Variants in HNF4A observed in about 807,000 individuals in gnomAD.
HNF4A encodes hepatocyte nuclear factor 4-alpha.
HNF4A carries 15 observed loss-of-function variants against 52.4 expected under a neutral mutation model. The observed-to-expected ratio is 0.29, with a 90% CI of 0.19 to 0.44. The LOEUF is 0.44. Ranked by LOEUF, HNF4A falls within the 20% of genes least tolerant of loss-of-function variation. The probability of loss-of-function intolerance (pLI) is 1.00; values close to 1 mark genes in which losing one functional copy is unlikely to be tolerated. For missense variants in HNF4A, 479 were observed against 647.2 expected (o/e 0.74, Z 2.82); for synonymous variants, 280 against 264.4 (o/e 1.06, Z -0.57).
chr20:44,429,463 A>G, intron 9 of HNF4A, 60 bp from the exon 10 acceptor site: 2 of 1,611,140 alleles, frequency 1.2e-6, no homozygotes, highest in Middle Eastern at 1.7e-4. Flanking sequence ...GGGCCTCTTC[A>G]TTTACTCCCA....
At chr20:44,370,129 C>T (rs1457357945) in intron 1 of HNF4A, among the ~76,000 whole-genome samples, 2 of 152,206 alleles carry the variant, frequency 1.3e-5, no homozygotes, top group African/African-American at 4.8e-5. Flanking sequence ...CGGGTTCACG[C>T]CATTCTCCCG....
intron 1 of HNF4A, 136 bp downstream of exon 1, chr20:44,355,989 G>A: frequency 2.1e-5 from 16 of 745,214 alleles, no homozygotes; most frequent in South Asian, 7.4e-5. Context: ...GAAGCCCCAC[G>A]GAGGCAATGT....
At chr20:44,368,160 A>ATATATATTTTTTT (rs1200638153) in intron 1 of HNF4A, among the ~76,000 whole-genome samples, 3 of 27,780 alleles carry the variant, frequency 1.1e-4, no homozygotes, top group East Asian at 1.2e-3. Flanking sequence ...ATATATATAT[A>ATATATATTTTTTT]TTTTTTTTTT....
intron 1 of HNF4A, among the ~76,000 whole-genome samples, chr20:44,375,730 A>G (rs1316106444): frequency 2.0e-5 from 3 of 152,134 alleles, no homozygotes; most frequent in Admixed American, 1.3e-4. Flanking sequence ...ATGTTTGAAA[A>G]CTGCTGAATT....
intron 3 of HNF4A, 136 bp from the exon 4 acceptor site, chr20:44,413,558 C>T (rs1464715709): frequency 5.6e-6 from 4 of 715,062 alleles, no homozygotes; most frequent in South Asian, 1.5e-5. Flanking sequence ...GCCATCTCCC[C>T]TCATTCCACA....
chr20:44,423,766 C>T lies in HNF4A; in HGVS notation c.893-252C>T, dbSNP rs368995118. On this transcript the variant is annotated intron_variant, in intron 7 of 9. Coordinates refer to ENST00000316099, the MANE Select transcript of HNF4A (RefSeq NM_000457.6). Reference sequence around the variant, plus strand: ...CTTATTGGATGCATTCCTCAAGTCCCGCCCTCCATCTCCTATTCCCCTCTC... The same window carrying T: ...CTTATTGGATGCATTCCTCAAGTCCTGCCCTCCATCTCCTATTCCCCTCTC... 1.5e-4 allele frequency among the ~76,000 whole-genome samples: 23 copies of T among 152,304 alleles called. No homozygotes were observed. In the East Asian group the frequency reaches 1.7e-3, roughly 12 times the overall value.
intron 1 of HNF4A, chr20:44,401,602 G>T (rs2063410582): frequency 7.4e-7 from 1 of 1,354,086 alleles, no homozygotes. Flanking sequence ...AAAATGGTAG[G>T]TTGGTCCTAC....
At chr20:44,413,645 C>A in intron 3 of HNF4A, 49 bp from the exon 4 acceptor site, 2 of 1,393,250 alleles carry the variant, frequency 1.4e-6, no homozygotes, top group Middle Eastern at 1.8e-4. Flanking sequence ...ACCCCCACCC[C>A]CTACTCCATC....
chr20:44,411,553 C>T (rs12481400), intron 3 of HNF4A, among the ~76,000 whole-genome samples: 3 of 151,678 alleles, frequency 2.0e-5, no homozygotes, highest in East Asian at 2.0e-4. Flanking sequence ...GTGGACGGCC[C>T]GGTCAGGGAA....
chr20:44,393,669 T>C (rs924400352), intron 1 of HNF4A, among the ~76,000 whole-genome samples: 1 of 152,114 alleles, frequency 6.6e-6, no homozygotes, highest in Non-Finnish European at 1.5e-5. Context: ...AAGTAACACA[T>C]GCAAAGCTCC....
rs546472999 is a variant in HNF4A, at chr20:44,382,386, G to A, written c.50-23672G>A. Among the ~76,000 whole-genome samples the A allele has an allele frequency of 1.2e-4, 18 of 151,924 alleles. No individual in the cohort carries two copies. The South Asian group carries it at 1.2e-3, about 11-fold the overall frequency. ...CCCAAGTAGCTGGGACTACAGGTGC[G>A]TACCACTACGCAAGGCTAATTTTTG... On this transcript the variant is annotated intron_variant, in intron 1 of 9. Transcript: ENST00000316673.
chr20:44,402,696 C>T (rs529254680), intron 1 of HNF4A: 85 of 1,126,710 alleles, frequency 7.5e-5, no homozygotes, highest in South Asian at 4.7e-4. Context: ...AGAGCCCCAT[C>T]GGTCCCAGGC....
intron 3 of HNF4A, 78 bp from the exon 4 acceptor site, chr20:44,413,616 C>T (rs2063617325): frequency 9.9e-7 from 1 of 1,010,476 alleles, no homozygotes; most frequent in East Asian, 2.5e-5. Context: ...CCTGCTCCCA[C>T]TCCTCATCAG....
intron 6 of HNF4A, among the ~76,000 whole-genome samples, chr20:44,418,723 C>G (rs920475090): frequency 6.6e-6 from 1 of 152,216 alleles, no homozygotes; most frequent in Non-Finnish European, 1.5e-5. Context: ...TGCAAGTCAC[C>G]AAATTCCCAG....
Position 44,404,807 on chromosome 20 carries a change from G to A in HNF4A, c.116-1251G>A, listed in dbSNP as rs146733274. 7.6e-5 allele frequency among the ~76,000 whole-genome samples: 11 copies of A among 145,100 alleles called. 1 individual carries two copies. The highest frequency in any genetic ancestry group is 2.2e-4 in the East Asian group (1 of 4,644). ...TGTGCGTGTGTCTGTGTGGTGTGTGGACTGTGTGGTGTGTGTGAACTGTGG... is the reference window on the plus strand; with the variant it reads ...TGTGCGTGTGTCTGTGTGGTGTGTGAACTGTGTGGTGTGTGTGAACTGTGG... On this transcript the variant is annotated intron_variant, in intron 1 of 9. Coordinates refer to ENST00000316099, the MANE Select transcript of HNF4A (RefSeq NM_000457.6).
At chr20:44,358,966 C>T (rs371220934) in intron 1 of HNF4A, among the ~76,000 whole-genome samples, 17 of 152,266 alleles carry the variant, frequency 1.1e-4, no homozygotes, top group African/African-American at 1.9e-4. Context: ...GGTGCTTCCA[C>T]GGCACACTGG....
intron 7 of HNF4A, among the ~76,000 whole-genome samples, chr20:44,422,657 C>T (rs2063762121): frequency 6.8e-6 from 1 of 147,118 alleles, no homozygotes; most frequent in Non-Finnish European, 1.5e-5. Context: ...ATATAGTTAT[C>T]AATAAATATA....
At chr20:44,357,831 G>A (rs190658748) in intron 1 of HNF4A, among the ~76,000 whole-genome samples, 31 of 150,014 alleles carry the variant, frequency 2.1e-4, no homozygotes, top group African/African-American at 7.1e-4. Context: ...AAAAAACTAA[G>A]GTTCAAGATT....
intron 1 of HNF4A, among the ~76,000 whole-genome samples, chr20:44,367,231 AG>A (rs1160994959): frequency 1.3e-5 from 2 of 150,858 alleles, no homozygotes; most frequent in Admixed American, 1.3e-4. Flanking sequence ...GCTACTCGGG[AG>A]GCTGAGGCAG....
Sources: gnomAD v4.1 joint callset for allele counts (sites outside exome capture counted in the v4.1 genomes callset) on GRCh38, gnomAD v4.1.1 for gene constraint, MANE v1.5 for transcripts, NCBI Gene and HGNC (gene_info 2026-07-23, HGNC 2026-07-21) for gene names.